Variants in NIPBL observed in about 807,000 individuals in gnomAD.
NIPBL encodes NIPBL cohesin loading factor, also known as nipped-B-like protein.
NIPBL carries 19 observed loss-of-function variants against 321.8 expected under a neutral mutation model. That is an observed-to-expected ratio of 0.06 (90% CI 0.04 to 0.09). NIPBL has a LOEUF of 0.09. Ranked by LOEUF, NIPBL falls within the 10% of genes least tolerant of loss-of-function variation. The pLI, the probability that NIPBL is intolerant of heterozygous loss-of-function variation, is 1.00. For synonymous variants in NIPBL, 1,106 were observed against 1,114.1 expected (o/e 0.99, Z 0.14); for missense variants, 2,210 against 3,327.0 (o/e 0.66, Z 8.26).
intron 1 of NIPBL, among the ~76,000 whole-genome samples, chr5:36,942,875 C>T (rs1053354540): frequency 3.3e-5 from 5 of 151,878 alleles, no homozygotes; most frequent in East Asian, 1.9e-4. Flanking sequence ...ACAAATACAG[C>T]GCAAGGGAAA....
intron 45 of NIPBL, among the ~76,000 whole-genome samples, chr5:37,062,597 A>G (rs1211169274): frequency 6.6e-6 from 1 of 152,154 alleles, no homozygotes; most frequent in Non-Finnish European, 1.5e-5. Context: ...TAGTTGTACA[A>G]TATGCCAATG....
At chr5:37,059,653 G>C (rs1309216018) in intron 44 of NIPBL, among the ~76,000 whole-genome samples, 2 of 151,796 alleles carry the variant, frequency 1.3e-5, no homozygotes, top group Non-Finnish European at 2.9e-5. Flanking sequence ...TTTTATTAAA[G>C]GGAAAAAAAC....
chr5:36,971,068 A>G (rs1742799412), intron 7 of NIPBL, 32 bp downstream of exon 7: 2 of 1,570,858 alleles, frequency 1.3e-6, no homozygotes, highest in Non-Finnish European at 1.8e-6. Context: ...AGGTGATAAA[A>G]TAGTTCTAAT....
intron 1 of NIPBL, among the ~76,000 whole-genome samples, chr5:36,908,210 C>G (rs947081515): frequency 2.6e-5 from 4 of 152,050 alleles, no homozygotes; most frequent in African/African-American, 9.7e-5. Flanking sequence ...GGAAAAAACT[C>G]TTTTTTGAGG....
intron 6 of NIPBL, among the ~76,000 whole-genome samples, chr5:36,968,780 G>A (rs1226718112): frequency 6.6e-6 from 1 of 152,170 alleles, no homozygotes; most frequent in Non-Finnish European, 1.5e-5. Context: ...TCAGGAACAG[G>A]CCATGAATGC....
At chr5:37,027,768 A>G (rs1253557095) in intron 32 of NIPBL, among the ~76,000 whole-genome samples, 4 of 151,416 alleles carry the variant, frequency 2.6e-5, no homozygotes, top group Non-Finnish European at 5.9e-5. Flanking sequence ...ACAGGTGTCC[A>G]CCACCACACT....
At chr5:37,026,595 G>T (rs970159691) in intron 31 of NIPBL, among the ~76,000 whole-genome samples, 4 of 152,140 alleles carry the variant, frequency 2.6e-5, no homozygotes, top group African/African-American at 9.7e-5. Flanking sequence ...AACAGGGAGG[G>T]AAAGGAGAAA....
At position 37,022,269 on chromosome 5, in the gene NIPBL, G is replaced by T; in HGVS notation, c.5453G>T (p.Gly1818Val). The T allele has an allele frequency of 6.2e-7, 1 of 1,613,946 alleles. No individual in the cohort carries two copies. The highest frequency in any genetic ancestry group is 8.5e-7 in the Non-Finnish European group (1 of 1,179,980). Reference protein sequence around the residue: ...ARLDMQRGVHGRLMDNSTSVR... With the variant: ...ARLDMQRGVHVRLMDNSTSVR... ...CTTGATATGCAACGAGGTGTTCATG[G>T]ACGATTGATGGATAATTCGACTAGT... is the stretch of plus-strand genomic sequence containing the variant. The change falls in exon 29 of 47, where the codon GGA becomes GTA. Residue 1818 changes from glycine (G) to valine (V), a missense_variant. This residue lies in a region of NIPBL where 49 missense variants were observed against 163.6 expected (regional missense o/e 0.30). Transcript: ENST00000282516.
intron 29 of NIPBL, among the ~76,000 whole-genome samples, chr5:37,023,198 T>C (rs1479796393): frequency 6.6e-6 from 1 of 152,182 alleles, no homozygotes. Context: ...ACAAATAATT[T>C]AAAGAAAAGC....
At position 37,003,434 on chromosome 5, in the gene NIPBL, C is replaced by T. The variant is rs538220970; in HGVS notation, c.3855+87C>T. On this transcript the variant is annotated intron_variant, in intron 16 of 46. Transcript: ENST00000282516. The stretch of plus-strand genomic sequence containing the variant: ...CCCACTTCTCTATTGTTTCATTTTC[C>T]ATTTTCTCAGTTACCTACAGTCAAC... The T allele has an allele frequency of 1.1e-5, 9 of 794,634 alleles. No homozygotes were observed. In the East Asian group the frequency reaches 2.3e-4, roughly 20 times the overall value. 49.2% of individuals were successfully genotyped at this position (794,634 alleles called of 1,614,324 possible).
intron 1 of NIPBL, among the ~76,000 whole-genome samples, chr5:36,934,959 G>A (rs192044547): frequency 3.3e-5 from 5 of 152,198 alleles, no homozygotes; most frequent in African/African-American, 4.8e-5. Context: ...CACCATGCGC[G>A]TTGAATGTTG....
chr5:36,984,248 C>CT (rs759961816), intron 9 of NIPBL, among the ~76,000 whole-genome samples: 5 of 151,652 alleles, frequency 3.3e-5, no homozygotes, highest in Non-Finnish European at 5.9e-5. Flanking sequence ...ATTTGGAGCT[C>CT]TTTATGGTTT....
chr5:36,954,579 A>G (rs1740737223), intron 2 of NIPBL, among the ~76,000 whole-genome samples: 1 of 152,186 alleles, frequency 6.6e-6, no homozygotes, highest in Non-Finnish European at 1.5e-5. Flanking sequence ...TAGGAGTTCA[A>G]AATCAGATAT....
chr5:36,995,931 A>T, intron 11 of NIPBL, 127 bp downstream of exon 11: 2 of 792,790 alleles, frequency 2.5e-6, no homozygotes, highest in Non-Finnish European at 2.0e-6. Flanking sequence ...ACAGTATAGT[A>T]AGTTTTTTTC....
At chr5:36,992,003 T>C (rs904131034) in intron 10 of NIPBL, among the ~76,000 whole-genome samples, 19 of 152,180 alleles carry the variant, frequency 1.2e-4, no homozygotes, top group African/African-American at 4.6e-4. Context: ...TGGCAAGTGC[T>C]AATTTGAGTG....
chr5:37,024,479 C>A, intron 29 of NIPBL, 106 bp from the exon 30 acceptor site: 1 of 878,482 alleles, frequency 1.1e-6, no homozygotes, highest in Non-Finnish European at 1.8e-6. Context: ...GTGTGTTTAT[C>A]ATGTTAACAA....
At chr5:37,041,381 A>G (rs1579543043) in intron 34 of NIPBL, among the ~76,000 whole-genome samples, 1 of 145,688 alleles carries the variant, frequency 6.9e-6, no homozygotes, top group East Asian at 2.0e-4. Flanking sequence ...CTCCTTCCTC[A>G]GCCTCCCAAG....
chr5:36,933,514 A>G (rs530906260), intron 1 of NIPBL, among the ~76,000 whole-genome samples: 1 of 152,242 alleles, frequency 6.6e-6, no homozygotes, highest in African/African-American at 2.4e-5. Flanking sequence ...ATGGATGAAA[A>G]TTTGATCCGA....
chr5:37,053,838 GT>G (rs1196488643), intron 42 of NIPBL, among the ~76,000 whole-genome samples: 3 of 152,134 alleles, frequency 2.0e-5, no homozygotes, highest in African/African-American at 7.2e-5. Flanking sequence ...GCATAAAATA[GT>G]AAAAACAGAT....
Sources: gnomAD v4.1 joint callset for allele counts (sites outside exome capture counted in the v4.1 genomes callset) on GRCh38, gnomAD v4.1.1 for gene constraint, gnomAD v4.1.1 regional missense constraint, MANE v1.5 for transcripts, NCBI Gene and HGNC (gene_info 2026-07-23, HGNC 2026-07-21) for gene names.